Variants in VWA3A observed in about 807,000 individuals in gnomAD.
VWA3A encodes von Willebrand factor A domain-containing protein 3A.
A neutral mutation model predicts 160.4 loss-of-function variants in VWA3A; 134 were observed. The observed-to-expected ratio is 0.84, with a 90% CI of 0.73 to 0.96. The LOEUF is 0.96. Ranked by LOEUF, VWA3A falls within the 40% of genes least tolerant of loss-of-function variation. The probability of loss-of-function intolerance (pLI) is 0.00; values close to 1 mark genes in which losing one functional copy is unlikely to be tolerated. For missense variants in VWA3A, 1,310 were observed against 1,447.9 expected, an observed-to-expected ratio of 0.90 and a Z score of 1.55; for synonymous variants, 476 against 543.4, an observed-to-expected ratio of 0.88 and a Z score of 1.72.
chr16:22,115,289 A>C lies in VWA3A; in HGVS notation c.690-58A>C, dbSNP rs573203546. The C allele has an allele frequency of 2.2e-5, 33 of 1,498,318 alleles. No individual in the cohort carries two copies. In the East Asian group the frequency reaches 7.5e-4, roughly 34 times the overall value. 92.8% of individuals were successfully genotyped at this position (1,498,318 alleles called of 1,614,324 possible). A position where few individuals can be genotyped will look rare whatever the true frequency, so the allele number is the denominator to read the frequency against. On this transcript the variant is annotated intron_variant, in intron 8 of 33. Coordinates refer to ENST00000389398, the MANE Select transcript of VWA3A (RefSeq NM_173615.5). ...AGCCCTTATCTCTAAAAAGAAATTA[A>C]AATGAAATTCAATACAAACAGTCTT...
intron 19 of VWA3A, among the ~76,000 whole-genome samples, chr16:22,132,174 G>A (rs567147011): frequency 1.9e-4 from 29 of 152,030 alleles, no homozygotes; most frequent in Middle Eastern, 3.4e-3. Context: ...ACCTGAGGTC[G>A]GGAGTTTGAG....
At chr16:22,141,431 G>A (rs944422740) in intron 23 of VWA3A, 151 bp from the exon 24 acceptor site, 26 of 681,462 alleles carry the variant, frequency 3.8e-5, no homozygotes, top group African/African-American at 1.1e-4. Flanking sequence ...GAGACCTGGC[G>A]GGGGAGGACA....
chr16:22,094,364 C>T (rs536080824), intron 1 of VWA3A, among the ~76,000 whole-genome samples: 75 of 150,852 alleles, frequency 5.0e-4, no homozygotes, highest in Non-Finnish European at 9.3e-4. Flanking sequence ...CCTGGTGCTT[C>T]CCAGAAAACA....
intron 26 of VWA3A, 119 bp from the exon 27 acceptor site, chr16:22,146,117 C>T (rs940194274): frequency 3.5e-6 from 3 of 847,942 alleles, no homozygotes; most frequent in Non-Finnish European, 5.6e-6. Context: ...CCACCGTGCC[C>T]AGCCAACAAA....
intron 26 of VWA3A, among the ~76,000 whole-genome samples, chr16:22,145,364 C>T (rs997018306): frequency 2.0e-5 from 3 of 152,146 alleles, no homozygotes; most frequent in South Asian, 2.1e-4. Context: ...ATTGGCCAGA[C>T]GCAGTGGCTC....
intron 8 of VWA3A, among the ~76,000 whole-genome samples, chr16:22,113,385 TTTTTTTTTTTTG>T (rs2045584229): frequency 1.5e-5 from 2 of 129,914 alleles, no homozygotes; most frequent in African/African-American, 5.9e-5. Flanking sequence ...TTTTTTTTTT[TTTTTTTTTTTTG>T]TATTTTTAGT....
intron 3 of VWA3A, among the ~76,000 whole-genome samples, chr16:22,097,926 A>C (rs1436372091): frequency 6.6e-6 from 1 of 152,218 alleles, no homozygotes; most frequent in Non-Finnish European, 1.5e-5. Flanking sequence ...ATTCAGGAGC[A>C]TGTGAAGACT....
Position 22,150,685 on chromosome 16 carries a change from G to C in VWA3A, c.3130-10G>C, listed in dbSNP as rs372065983. 73 of 1,602,292 alleles carry C rather than the reference G, an allele frequency of 4.6e-5. No homozygotes were observed. The highest frequency in any genetic ancestry group is 5.9e-5 in the Non-Finnish European group (69 of 1,174,358). ...CCCCTGAGCCTGACAGCCTTCCTGC[G>C]TTCTTTCAGAAAGCTTTCAGTTTCC... On this transcript the variant is annotated splice_polypyrimidine_tract_variant and intron_variant, in intron 29 of 33. Transcript: ENST00000389398.
chr16:22,119,688 T>C (rs2045701792), intron 12 of VWA3A, among the ~76,000 whole-genome samples: 1 of 152,254 alleles, frequency 6.6e-6, no homozygotes. Context: ...ATTTTAAAAA[T>C]ATACAAATAC....
chr16:22,129,644 G>T (rs76210230), intron 17 of VWA3A, among the ~76,000 whole-genome samples: 5 of 152,028 alleles, frequency 3.3e-5, no homozygotes, highest in Non-Finnish European at 7.4e-5. Flanking sequence ...GAAATAAGGG[G>T]TTTTGAGCCA....
intron 3 of VWA3A, 24 bp downstream of exon 3, chr16:22,097,719 G>A (rs773851000): frequency 4.0e-5 from 62 of 1,550,594 alleles, no homozygotes; most frequent in Non-Finnish European, 5.1e-5. Context: ...CACTTTAACT[G>A]GGTCGTGATA....
chr16:22,126,449 G>A (rs2045852128), intron 17 of VWA3A, among the ~76,000 whole-genome samples, 152 bp downstream of exon 17: 1 of 152,172 alleles, frequency 6.6e-6, no homozygotes, highest in South Asian at 2.1e-4. Context: ...TGATTTGGAT[G>A]ATCTTGTTTG....
At chr16:22,150,867 C>A in intron 30 of VWA3A, 21 bp downstream of exon 30, 1 of 1,604,266 alleles carries the variant, frequency 6.2e-7, no homozygotes, top group Non-Finnish European at 8.5e-7. Flanking sequence ...TGGAGTCTGA[C>A]TGAGTTTTAT....
intron 21 of VWA3A, among the ~76,000 whole-genome samples, chr16:22,136,703 G>C (rs58416124): frequency 1.3e-5 from 2 of 151,924 alleles, no homozygotes; most frequent in Non-Finnish European, 2.9e-5. Context: ...TGCCTGTGCT[G>C]TCTTCCCCAA....
chr16:22,150,013 T>C, intron 29 of VWA3A, 82 bp downstream of exon 29: 1 of 1,475,920 alleles, frequency 6.8e-7, no homozygotes, highest in Non-Finnish European at 9.0e-7. Flanking sequence ...TGCTTTAGGA[T>C]TTACAAAGGG....
intron 5 of VWA3A, among the ~76,000 whole-genome samples, chr16:22,102,283 T>C (rs998867918): frequency 6.6e-6 from 1 of 151,980 alleles, no homozygotes; most frequent in Admixed American, 6.6e-5. Context: ...CAAGGGAGGT[T>C]GAAGCTGCAG....
intron 14 of VWA3A, 121 bp from the exon 15 acceptor site, chr16:22,122,964 A>G: frequency 1.3e-6 from 1 of 758,642 alleles, no homozygotes; most frequent in Non-Finnish European, 2.3e-6. Context: ...GTTCGATCCG[A>G]CCTCAAATGT....
At chr16:22,104,741 C>T (rs1218714131) in intron 6 of VWA3A, among the ~76,000 whole-genome samples, 1 of 152,012 alleles carries the variant, frequency 6.6e-6, no homozygotes, top group Non-Finnish European at 1.5e-5. Context: ...AGAAGAGTGA[C>T]CATGGGCAAA....
chr16:22,104,317 A>C (rs562600269), intron 6 of VWA3A, among the ~76,000 whole-genome samples: 1 of 152,072 alleles, frequency 6.6e-6, no homozygotes, highest in Non-Finnish European at 1.5e-5. Context: ...GTGAAACCTC[A>C]TCTCTACTAA....
Sources: gnomAD v4.1 joint callset for allele counts (sites outside exome capture counted in the v4.1 genomes callset) on GRCh38, gnomAD v4.1.1 for gene constraint, MANE v1.5 for transcripts, NCBI Gene and HGNC (gene_info 2026-07-23, HGNC 2026-07-21) for gene names.